Variants in CDK14 observed in about 807,000 individuals in gnomAD.
CDK14 encodes cyclin-dependent kinase 14.
A neutral mutation model predicts 60.7 loss-of-function variants in CDK14; 34 were observed. That is an observed-to-expected ratio of 0.56 (90% CI 0.43 to 0.75). The LOEUF (loss-of-function observed/expected upper bound fraction) is 0.75. Among genes scored for constraint, CDK14 ranks in the 30% least tolerant of loss-of-function variants. CDK14 has a pLI of 0.00. For synonymous variants in CDK14, 197 were observed against 203.7 expected (o/e 0.97, Z 0.28); for missense variants, 482 against 564.1 (o/e 0.85, Z 1.47).
intron 10 of CDK14, among the ~76,000 whole-genome samples, chr7:90,989,127 G>A (rs1000927395): frequency 5.3e-5 from 8 of 152,040 alleles, no homozygotes; most frequent in African/African-American, 1.4e-4. Flanking sequence ...AACTGACTGT[G>A]GAGGTATAGT....
chr7:90,894,829 A>T (rs1479251795), intron 6 of CDK14, among the ~76,000 whole-genome samples: 1 of 152,212 alleles, frequency 6.6e-6, no homozygotes, highest in East Asian at 1.9e-4. Flanking sequence ...ACTTTAGAGG[A>T]TCACATTAAC....
rs565724703 is a variant in CDK14, at chr7:90,824,089, G to T, written c.544+33437G>T. The stretch of plus-strand genomic sequence containing the variant: ...TGAAGATGCTTGTGATGTGAGCTTT[G>T]TCAGGAACGGTTATATTAACAGATG... On this transcript the variant is annotated intron_variant, in intron 5 of 14. Transcript: ENST00000380050. Among the ~76,000 whole-genome samples the T allele has an allele frequency of 1.1e-4, 16 of 152,304 alleles. No homozygotes were observed. The South Asian group carries it at 3.3e-3, about 32-fold the overall frequency.
intron 2 of CDK14, among the ~76,000 whole-genome samples, chr7:90,646,806 A>G (rs1042520006): frequency 1.3e-5 from 2 of 152,208 alleles, no homozygotes; most frequent in African/African-American, 2.4e-5. Flanking sequence ...GTTTTTAAAA[A>G]TTGGTGAACA....
At chr7:90,852,632 A>G (rs1398278593) in intron 5 of CDK14, among the ~76,000 whole-genome samples, 1 of 152,210 alleles carries the variant, frequency 6.6e-6, no homozygotes, top group Non-Finnish European at 1.5e-5. Flanking sequence ...CATTTGAGTG[A>G]TGCTAGCATT....
intron 13 of CDK14, among the ~76,000 whole-genome samples, chr7:91,114,959 A>G (rs1799564713): frequency 6.6e-6 from 1 of 152,168 alleles, no homozygotes; most frequent in African/African-American, 2.4e-5. Context: ...TGCAGAGTAT[A>G]TTTAGAAGTT....
Position 90,829,578 on chromosome 7 carries a change from C to T in CDK14, c.545-33597C>T, listed in dbSNP as rs147300574. On this transcript the variant is annotated intron_variant, in intron 5 of 14. Transcript: ENST00000380050. ...ATGGAGCCTCACTCTGTTGCCTAAACTGGAGTGCAGTGGCATGATTTTGGC... is the reference window on the plus strand; with the variant it reads ...ATGGAGCCTCACTCTGTTGCCTAAATTGGAGTGCAGTGGCATGATTTTGGC... Among the ~76,000 whole-genome samples the T allele has an allele frequency of 5.5e-4, 83 of 152,214 alleles. No homozygotes were observed. In the East Asian group the frequency reaches 0.012, roughly 22 times the overall value.
chr7:90,712,018 G>A (rs149489790), intron 2 of CDK14, among the ~76,000 whole-genome samples: 5 of 150,866 alleles, frequency 3.3e-5, no homozygotes, highest in East Asian at 2.0e-4. Context: ...GCCACTGCAC[G>A]CAGCTACAGT....
intron 2 of CDK14, among the ~76,000 whole-genome samples, chr7:90,630,598 C>T (rs10242197): frequency 0.18 from 27,485 of 152,026 alleles, 2,608 homozygotes; most frequent in Middle Eastern, 0.21. Flanking sequence ...ACCATTCTGG[C>T]AAATCCCATC....
chr7:90,622,913 C>CTTTTT (rs928149232), intron 2 of CDK14, among the ~76,000 whole-genome samples: 1 of 134,878 alleles, frequency 7.4e-6, no homozygotes, highest in African/African-American at 2.8e-5. Context: ...TGTTTTCTTT[C>CTTTTT]TTTTTTTTTC....
chr7:90,811,214 C>G (rs1789091716), intron 5 of CDK14, among the ~76,000 whole-genome samples: 1 of 152,164 alleles, frequency 6.6e-6, no homozygotes, highest in Admixed American at 6.5e-5. Context: ...TGACTTCAAA[C>G]TATACTACAA....
chr7:91,091,492 TTATATATTTTATA>T (rs893883623), intron 12 of CDK14, among the ~76,000 whole-genome samples: 4 of 89,482 alleles, frequency 4.5e-5, no homozygotes, highest in Non-Finnish European at 8.0e-5. Flanking sequence ...TATATGTAGT[TTATATATTTTATA>T]TATATATATA....
intron 8 of CDK14, among the ~76,000 whole-genome samples, chr7:90,919,533 C>CA (rs1485107760): frequency 2.0e-5 from 3 of 152,130 alleles, no homozygotes; most frequent in African/African-American, 7.2e-5. Context: ...ATAAACAACT[C>CA]AGAGATGACA....
intron 2 of CDK14, among the ~76,000 whole-genome samples, chr7:90,671,867 A>C (rs1801104597): frequency 6.6e-6 from 1 of 152,242 alleles, no homozygotes; most frequent in African/African-American, 2.4e-5. Flanking sequence ...TTTGCTGTTT[A>C]AAACTGAGGA....
chr7:90,940,619 C>T (rs537812942), intron 8 of CDK14, among the ~76,000 whole-genome samples: 3 of 152,016 alleles, frequency 2.0e-5, no homozygotes, highest in Non-Finnish European at 4.4e-5. Flanking sequence ...AACTCTGTCC[C>T]TACAAAAAAT....
In CDK14 at chr7:91,198,989, A is replaced by G. The variant is rs1175473862; in HGVS notation, c.*29-8176A>G. Among the ~76,000 whole-genome samples, 7 of 152,204 alleles carry G rather than the reference A, an allele frequency of 4.6e-5. No individual in the cohort carries two copies. In the East Asian group the frequency reaches 1.2e-3, roughly 25 times the overall value. On this transcript the variant is annotated intron_variant, in intron 14 of 14. Coordinates refer to ENST00000380050, the MANE Select transcript of CDK14 (RefSeq NM_001287135.2). ...ATTTGTGTATATGCATTTTAAGTTGAGAAAAAATGCACACTCTGGGGAGTG... is the reference window on the plus strand; with the variant it reads ...ATTTGTGTATATGCATTTTAAGTTGGGAAAAAATGCACACTCTGGGGAGTG...
intron 2 of CDK14, among the ~76,000 whole-genome samples, chr7:90,719,001 A>C (rs1020291593): frequency 6.6e-6 from 1 of 152,150 alleles, no homozygotes; most frequent in Admixed American, 6.6e-5. Flanking sequence ...AGGTAGTACT[A>C]CGATTTAAGT....
At chr7:90,687,481 A>G (rs1245513937) in intron 2 of CDK14, among the ~76,000 whole-genome samples, 1 of 152,104 alleles carries the variant, frequency 6.6e-6, no homozygotes, top group East Asian at 1.9e-4. Context: ...AGAAGATGGA[A>G]AAGGAGGGCT....
intron 1 of CDK14, among the ~76,000 whole-genome samples, chr7:90,599,500 C>T (rs1467220302): frequency 6.6e-6 from 1 of 152,118 alleles, no homozygotes; most frequent in Non-Finnish European, 1.5e-5. Context: ...TATTCATATA[C>T]GGTGAATATA....
At chr7:90,922,428 T>C (rs889861999) in intron 8 of CDK14, among the ~76,000 whole-genome samples, 13 of 152,092 alleles carry the variant, frequency 8.5e-5, no homozygotes, top group African/African-American at 3.1e-4. Flanking sequence ...AAGGGTTTTT[T>C]TTTTCTCTCT....
Sources: allele counts gnomAD v4.1 joint callset (sites outside exome capture counted in the v4.1 genomes callset), GRCh38; gene constraint gnomAD v4.1.1; transcripts MANE v1.5; gene names NCBI Gene and HGNC (gene_info 2026-07-23, HGNC 2026-07-21).